The following ARID1A variants were observed in gnomAD, a reference collection of about 807,000 sequenced individuals.
The protein encoded by ARID1A is AT-rich interaction domain 1A.
In ARID1A, 20 loss-of-function variants were observed where a neutral mutation model predicts 212.6. That is an observed-to-expected ratio of 0.09 (90% confidence interval 0.07 to 0.14). The LOEUF (loss-of-function observed/expected upper bound fraction) is 0.14. Among genes scored for constraint, ARID1A ranks in the 10% least tolerant of loss-of-function variants. ARID1A has a pLI of 1.00. For synonymous variants in ARID1A, 1,376 were observed against 1,222.1 expected (o/e 1.13, Z -2.63); for missense variants, 2,587 against 3,059.0 (o/e 0.85, Z 3.64).
chr1:26,716,058 T>G (rs1389076298), intron 1 of ARID1A, among the ~76,000 whole-genome samples: 1 of 151,256 alleles, frequency 6.6e-6, no homozygotes, highest in Non-Finnish European at 1.5e-5. Context: ...TAACAAAAAT[T>G]AGCCAGGAGT....
chr1:26,730,118 C>T (rs1308067470), intron 2 of ARID1A, among the ~76,000 whole-genome samples: 5 of 152,142 alleles, frequency 3.3e-5, no homozygotes, highest in African/African-American at 1.2e-4. Context: ...CCAGCTTATA[C>T]CTAGTGAGTG....
At chr1:26,729,904 C>T (rs768077147) in intron 2 of ARID1A, 41 bp downstream of exon 2, 32 of 1,591,642 alleles carry the variant, frequency 2.0e-5, no homozygotes, top group Non-Finnish European at 2.8e-5. Flanking sequence ...TGTTGCTGTC[C>T]AAAATCTGAT....
chr1:26,779,060 G>C lies in ARID1A; in HGVS notation c.5162G>C (p.Arg1721Pro), dbSNP rs2081164294. 6.6e-7 allele frequency: 1 copy of C among 1,508,832 alleles called. No individual in the cohort carries two copies. Among genetic ancestry groups the C allele is most frequent in the Non-Finnish European group, 8.9e-7 (1 of 1,128,258 alleles). 93.5% of individuals were successfully genotyped at this position (1,508,832 alleles called of 1,614,324 possible). A position where few individuals can be genotyped will look rare whatever the true frequency, so the allele number is the denominator to read the frequency against. ...CTAGAGCTCCTTGTAGAATATTTCC[G>C]ACGATGCCTGATTGAGATCTTTGGC... ...GLLELLVEYF[R>P]RCLIEIFGIL... The change falls in exon 20 of 20, where the codon CGA becomes CCA. Residue 1721 changes from arginine to proline, a missense_variant. This residue lies in a region of ARID1A where 890 missense variants were observed against 1,098.2 expected (regional missense o/e 0.81). Coordinates refer to ENST00000324856, the MANE Select transcript of ARID1A (RefSeq NM_006015.6).
intron 4 of ARID1A, among the ~76,000 whole-genome samples, chr1:26,739,989 T>TAAAAAAAAAAAAAAAAAA (rs576941187): frequency 7.8e-6 from 1 of 127,474 alleles, no homozygotes. Context: ...GTGATCATCT[T>TAAAAAAAAAAAAAAAAAA]AAAAAAAAAA....
At chr1:26,752,067 T>A (rs2124021373) in intron 4 of ARID1A, among the ~76,000 whole-genome samples, 1 of 152,326 alleles carries the variant, frequency 6.6e-6, no homozygotes, top group East Asian at 1.9e-4. Context: ...CTGGAGTAGT[T>A]TCTGCTGTTC....
At chr1:26,718,736 C>T (rs975053810) in intron 1 of ARID1A, among the ~76,000 whole-genome samples, 1 of 152,172 alleles carries the variant, frequency 6.6e-6, no homozygotes, top group African/African-American at 2.4e-5. Flanking sequence ...ACATTCAGTA[C>T]AGGCACAACC....
intron 1 of ARID1A, among the ~76,000 whole-genome samples, chr1:26,719,448 T>G (rs979952320): frequency 3.3e-5 from 5 of 152,144 alleles, no homozygotes; most frequent in Admixed American, 6.5e-5. Context: ...CGAATGTACA[T>G]CTGAATTCTA....
chr1:26,736,714 C>A (rs1257038855), intron 4 of ARID1A, among the ~76,000 whole-genome samples: 1 of 150,738 alleles, frequency 6.6e-6, no homozygotes, highest in Admixed American at 6.6e-5. Flanking sequence ...ACCAGCCTGA[C>A]CAACACGGAG....
chr1:26,696,690 C>T lies in ARID1A; in HGVS notation c.287C>T (p.Ala96Val), dbSNP rs1052078392. 3.8e-6 allele frequency: 5 copies of T among 1,328,556 alleles called. No individual in the cohort carries two copies. In the African/African-American group the frequency reaches 6.2e-5, roughly 17 times the overall value. 82.3% of individuals were successfully genotyped at this position (1,328,556 alleles called of 1,614,324 possible). A position where few individuals can be genotyped will look rare whatever the true frequency, so the allele number is the denominator to read the frequency against. The stretch of plus-strand genomic sequence containing the variant: ...GCCGGCAGCGGCGGCGGGCCCGGCG[C>T]GGAGCCGGACCTGAAGAACTCGAAC... ...GGAGSGGGPG[A>V]EPDLKNSNGN... is the part of the protein sequence containing the mutation. The change falls in exon 1 of 20, where the codon GCG becomes GTG. Residue 96 changes from alanine to valine, a missense_variant. Coordinates refer to ENST00000324856, the MANE Select transcript of ARID1A (RefSeq NM_006015.6).
chr1:26,742,535 G>C (rs776648941), intron 4 of ARID1A, among the ~76,000 whole-genome samples: 2 of 152,122 alleles, frequency 1.3e-5, no homozygotes, highest in Non-Finnish European at 2.9e-5. Context: ...TCACCGGGAA[G>C]CTTGCTAGAA....
Position 26,771,014 on chromosome 1 carries a change from T to C in ARID1A, c.3199-105T>C. 1 of 991,306 alleles carries C rather than the reference T, an allele frequency of 1.0e-6. No homozygotes were observed. 61.4% of individuals were successfully genotyped at this position (991,306 alleles called of 1,614,324 possible). On this transcript the variant is annotated intron_variant, in intron 11 of 19. Coordinates refer to ENST00000324856, the MANE Select transcript of ARID1A (RefSeq NM_006015.6). The surrounding 1 kb of genome is among the most constrained non-coding windows in gnomAD (Gnocchi z 5.4). ...AACTTTTTCAATTACCTAAGAACTG[T>C]GGTTCTACAAAGATGAATACCTTAC...
chr1:26,762,824 C>T (rs576287955), intron 7 of ARID1A, 149 bp from the exon 8 acceptor site: 13 of 826,542 alleles, frequency 1.6e-5, no homozygotes, highest in South Asian at 1.9e-5. Context: ...GGAATCCCCC[C>T]CTTTTTCTCA....
At chr1:26,751,995 A>G (rs1020782020) in intron 4 of ARID1A, among the ~76,000 whole-genome samples, 22 of 152,240 alleles carry the variant, frequency 1.4e-4, no homozygotes, top group African/African-American at 5.3e-4. Flanking sequence ...TTTCTAAGAT[A>G]CAAACCAAGT....
rs2080593725 is a variant in ARID1A, at chr1:26,724,111, A to G, written c.1138-5540A>G. ...TAATTATTATTATTAAAAGTCATAT[A>G]ACAAATCTAGCCAGGAATAAATTGA... On this transcript the variant is annotated intron_variant, in intron 1 of 19. Coordinates refer to ENST00000324856, the MANE Select transcript of ARID1A (RefSeq NM_006015.6). Among the ~76,000 whole-genome samples the G allele has an allele frequency of 2.6e-5, 4 of 152,148 alleles. No individual in the cohort carries two copies. In the South Asian group the frequency reaches 8.3e-4, roughly 31 times the overall value.
rs1311198588 is a variant in ARID1A, at chr1:26,720,203, G to A, written c.1138-9448G>A. Among the ~76,000 whole-genome samples, 3 of 151,066 alleles carry A rather than the reference G, an allele frequency of 2.0e-5. No homozygotes were observed. In the East Asian group the frequency reaches 5.8e-4, roughly 29 times the overall value. On this transcript the variant is annotated intron_variant, in intron 1 of 19. Coordinates refer to ENST00000324856, the MANE Select transcript of ARID1A (RefSeq NM_006015.6). The stretch of plus-strand genomic sequence containing the variant: ...GAGGCATAAGTTGGAGTCAGCCGAG[G>A]TCACGCACTGCACTCCAGCCTGGTG...
chr1:26,697,066 C>T lies in ARID1A; in HGVS notation c.663C>T (p.Ala221=), dbSNP rs1230920370. The change falls in exon 1 of 20, where the codon GCC becomes GCT. Residue 221 remains alanine (A), a synonymous_variant. Transcript: ENST00000324856. Reference sequence around the variant, plus strand: ...ACTCCTACTACCCCAACCGCAGCGCCTACCCCCCGCCCGCCCCGGCCTACG... The same window carrying T: ...ACTCCTACTACCCCAACCGCAGCGCTTACCCCCCGCCCGCCCCGGCCTACG... ...QYNSYYPNRS[A]YPPPAPAYAL... is the part of the protein sequence containing the mutation. The T allele has an allele frequency of 6.6e-7, 1 of 1,513,694 alleles. No individual in the cohort carries two copies. Among genetic ancestry groups the T allele is most frequent in the Non-Finnish European group, 8.8e-7 (1 of 1,135,678 alleles). 93.8% of individuals were successfully genotyped at this position (1,513,694 alleles called of 1,614,324 possible).
Position 26,763,027 on chromosome 1 carries a change from G to C in ARID1A, c.2474G>C (p.Ser825Thr), listed in dbSNP as rs938692927. 6.2e-7 allele frequency: 1 copy of C among 1,612,956 alleles called. No homozygotes were observed. Among genetic ancestry groups the C allele is most frequent in the Admixed American group, 1.7e-5 (1 of 59,998 alleles). ...YNALPNANYP[S>T]AGMAGGINPM... is the part of the protein sequence containing the mutation. ...GCCTTGCCCAATGCCAACTACCCCA[G>C]TGCAGGCATGGCTGGAGGCATAAAC... The change falls in exon 8 of 20, where the codon AGT (serine) becomes ACT (threonine). Residue 825 changes from serine (S) to threonine (T), a missense_variant. Physicochemically the swap from Ser to Thr is moderately conservative, Grantham distance 58. Transcript: ENST00000324856.
chr1:26,745,482 T>C (rs965310222), intron 4 of ARID1A, among the ~76,000 whole-genome samples: 3 of 152,148 alleles, frequency 2.0e-5, no homozygotes, highest in Non-Finnish European at 4.4e-5. Flanking sequence ...GGAAATTTCG[T>C]TTTTAAGCTT....
In ARID1A at chr1:26,697,453, G is replaced by A. The variant is rs1316995413; in HGVS notation, c.1050G>A (p.Ser350=). The change falls in exon 1 of 20, where the codon TCG becomes TCA. Residue 350 remains serine, a synonymous_variant. Coordinates refer to ENST00000324856, the MANE Select transcript of ARID1A (RefSeq NM_006015.6). ...CGGCAGCTGCGGCGGCGGCCGCCTC[G>A]GGAGGGGCCCAACAAAGGAGCCACC... ...AAAAAAAAAA[S]GGAQQRSHHA... is the part of the protein sequence containing the mutation. 1 of 1,365,594 alleles carries A rather than the reference G, an allele frequency of 7.3e-7. No individual in the cohort carries two copies. Among genetic ancestry groups the A allele is most frequent in the African/African-American group, 1.5e-5 (1 of 65,342 alleles). The allele number at this position is 1,365,594 out of a possible 1,614,324, so 84.6% of individuals were successfully genotyped here.
Sources: gnomAD v4.1 joint callset for allele counts (sites outside exome capture counted in the v4.1 genomes callset) on GRCh38, gnomAD v4.1.1 for gene constraint, gnomAD v4.1.1 regional missense constraint, Gnocchi (gnomAD v3.1) non-coding constraint, MANE v1.5 for transcripts, NCBI Gene and HGNC (gene_info 2026-07-23, HGNC 2026-07-21) for gene names.